FHIT: variants seen among roughly 807,000 people sequenced by gnomAD.
The protein encoded by FHIT is bis(5'-adenosyl)-triphosphatase.
In FHIT, 19 loss-of-function variants were observed where a neutral mutation model predicts 17.9. The ratio of observed to expected loss-of-function variants is 1.06; its 90% CI spans 0.74 to 1.56. The LOEUF (loss-of-function observed/expected upper bound fraction) is 1.56. Ranked by LOEUF, FHIT falls within the 40% of genes most tolerant of loss-of-function variation. The pLI is 0.00. For synonymous variants in FHIT, 81 were observed against 69.7 expected (o/e 1.16, Z -0.81); for missense variants, 248 against 189.2 (o/e 1.31, Z -1.82).
intron 2 of FHIT, among the ~76,000 whole-genome samples, chr3:61,045,102 A>C (rs576741731): frequency 6.6e-6 from 1 of 152,366 alleles, no homozygotes; most frequent in Admixed American, 6.5e-5. Context: ...AGCTAACATC[A>C]AAATGACAGG....
At chr3:59,778,896 T>A (rs1575479700) in intron 8 of FHIT, among the ~76,000 whole-genome samples, 1 of 152,218 alleles carries the variant, frequency 6.6e-6, no homozygotes, top group East Asian at 1.9e-4. Flanking sequence ...GTTTTACTCC[T>A]TCCCATGAAT....
At chr3:61,229,201 G>A (rs1483457832) in intron 1 of FHIT, among the ~76,000 whole-genome samples, 1 of 152,162 alleles carries the variant, frequency 6.6e-6, no homozygotes, top group African/African-American at 2.4e-5. Context: ...GATTGTCTGG[G>A]TGAGCTCTAA....
At chr3:60,524,995 G>C (rs922292387) in intron 5 of FHIT, among the ~76,000 whole-genome samples, 1 of 152,172 alleles carries the variant, frequency 6.6e-6, no homozygotes, top group African/African-American at 2.4e-5. Context: ...AAATCAGAGG[G>C]GCAATGGTTG....
chr3:60,488,017 C>A (rs1486038031), intron 5 of FHIT, among the ~76,000 whole-genome samples: 1 of 152,150 alleles, frequency 6.6e-6, no homozygotes, highest in African/African-American at 2.4e-5. Flanking sequence ...GTGAAGCCAA[C>A]ATTCTGTGAT....
intron 4 of FHIT, among the ~76,000 whole-genome samples, chr3:60,645,158 A>C (rs1317904770): frequency 3.3e-5 from 5 of 152,106 alleles, no homozygotes; most frequent in Admixed American, 6.5e-5. Flanking sequence ...ACTGTATTGA[A>C]GTATATCAAA....
chr3:60,362,868 C>CA (rs1276553908), intron 5 of FHIT, among the ~76,000 whole-genome samples: 4 of 152,042 alleles, frequency 2.6e-5, no homozygotes, highest in Non-Finnish European at 5.9e-5. Flanking sequence ...AAAAGAGGGG[C>CA]AAAAAGGCCC....
At chr3:60,007,173 A>G (rs1699957581) in intron 7 of FHIT, among the ~76,000 whole-genome samples, 1 of 152,160 alleles carries the variant, frequency 6.6e-6, no homozygotes, top group African/African-American at 2.4e-5. Flanking sequence ...CCTCCCACCC[A>G]AAGATGAACA....
chr3:59,880,124 C>G (rs935352312), intron 8 of FHIT, among the ~76,000 whole-genome samples: 1 of 152,154 alleles, frequency 6.6e-6, no homozygotes, highest in Non-Finnish European at 1.5e-5. Context: ...ATAACGACAT[C>G]CCTTTAGGTT....
chr3:59,763,119 T>G (rs1701611341), intron 8 of FHIT, among the ~76,000 whole-genome samples: 1 of 152,198 alleles, frequency 6.6e-6, no homozygotes, highest in South Asian at 2.1e-4. Context: ...CAACCCACAG[T>G]ACTCAGAACA....
intron 7 of FHIT, among the ~76,000 whole-genome samples, chr3:60,004,831 G>A (rs1245117708): frequency 6.6e-6 from 1 of 152,140 alleles, no homozygotes; most frequent in Non-Finnish European, 1.5e-5. Context: ...GAGGACTGAA[G>A]TAAGAATTAT....
intron 4 of FHIT, among the ~76,000 whole-genome samples, chr3:60,621,217 G>T (rs1198294615): frequency 7.2e-6 from 1 of 138,640 alleles, no homozygotes; most frequent in African/African-American, 2.7e-5. Flanking sequence ...GGCACTATCT[G>T]GACACACCAC....
chr3:60,186,480 C>G (rs913694382), intron 5 of FHIT, among the ~76,000 whole-genome samples: 1 of 152,058 alleles, frequency 6.6e-6, no homozygotes, highest in South Asian at 2.1e-4. Context: ...TTCGAAAATC[C>G]AAGAAAACAG....
At chr3:60,315,846 C>T (rs1276079106) in intron 5 of FHIT, among the ~76,000 whole-genome samples, 2 of 152,166 alleles carry the variant, frequency 1.3e-5, no homozygotes, top group African/African-American at 2.4e-5. Context: ...GCAGTGCACT[C>T]ATTTGGTAAA....
At chr3:59,977,109 C>G (rs1414802247) in intron 7 of FHIT, among the ~76,000 whole-genome samples, 1 of 152,056 alleles carries the variant, frequency 6.6e-6, no homozygotes, top group African/African-American at 2.4e-5. Flanking sequence ...TCAGAGAGGG[C>G]CCGGGAACCA....
At chr3:60,445,338 A>C (rs1470760525) in intron 5 of FHIT, among the ~76,000 whole-genome samples, 1 of 152,090 alleles carries the variant, frequency 6.6e-6, no homozygotes, top group Admixed American at 6.6e-5. Flanking sequence ...TGTATCACAG[A>C]CTGTATCTAA....
intron 8 of FHIT, among the ~76,000 whole-genome samples, chr3:59,857,601 A>G (rs919213487): frequency 7.2e-5 from 11 of 152,000 alleles, no homozygotes; most frequent in Admixed American, 7.2e-4. Flanking sequence ...AGGGAGGCCT[A>G]ACAAAGATTC....
intron 8 of FHIT, among the ~76,000 whole-genome samples, chr3:59,758,509 A>AAACTT (rs1701334406): frequency 6.6e-6 from 1 of 152,146 alleles, no homozygotes; most frequent in African/African-American, 2.4e-5. Flanking sequence ...TTACTGAGAG[A>AAACTT]AACTTATTCC....
At chr3:60,813,321 G>C (rs1477980213) in intron 4 of FHIT, among the ~76,000 whole-genome samples, 1 of 151,672 alleles carries the variant, frequency 6.6e-6, no homozygotes, top group African/African-American at 2.4e-5. Flanking sequence ...TTAATAAATT[G>C]CCCAATCTCG....
chr3:60,673,365 G>A (rs2040552783), intron 4 of FHIT, among the ~76,000 whole-genome samples: 1 of 152,178 alleles, frequency 6.6e-6, no homozygotes, highest in Admixed American at 6.5e-5. Context: ...GTCCTTTGCA[G>A]GGGCATGGAT....
Sources: allele counts gnomAD v4.1 joint callset (sites outside exome capture counted in the v4.1 genomes callset), GRCh38; gene constraint gnomAD v4.1.1; transcripts MANE v1.5; gene names NCBI Gene and HGNC (gene_info 2026-07-23, HGNC 2026-07-21).